HCK: variants seen among roughly 807,000 people sequenced by gnomAD.
HCK encodes HCK proto-oncogene, Src family tyrosine kinase.
HCK carries 40 observed loss-of-function variants against 70.4 expected under a neutral mutation model. That is an observed-to-expected ratio of 0.57 (90% confidence interval 0.44 to 0.74). The LOEUF is 0.74. Among genes scored for constraint, HCK ranks in the 30% least tolerant of loss-of-function variants. The pLI is 0.00. For missense variants in HCK, 568 were observed against 697.2 expected (o/e 0.81, Z 2.09); for synonymous variants, 245 against 263.2 (o/e 0.93, Z 0.67).
At position 32,057,214 on chromosome 20, in the gene HCK, T is replaced by A. The variant is rs184233137; in HGVS notation, c.62+4728T>A. 3.9e-4 allele frequency among the ~76,000 whole-genome samples: 59 copies of A among 152,350 alleles called. No individual in the cohort carries two copies. The East Asian group carries it at 0.01, about 27-fold the overall frequency. Reference sequence around the variant, plus strand: ...TGCACAGCCCTTGCCAGGCCCACTTTCCTCATCCGCAGAACCCTCCACATC... The same window carrying A: ...TGCACAGCCCTTGCCAGGCCCACTTACCTCATCCGCAGAACCCTCCACATC... On this transcript the variant is annotated intron_variant, in intron 1 of 12. Coordinates refer to ENST00000375852, the MANE Select transcript of HCK (RefSeq NM_002110.5).
chr20:32,089,155 AG>A (rs2045830811), intron 10 of HCK, among the ~76,000 whole-genome samples: 2 of 152,360 alleles, frequency 1.3e-5, no homozygotes, highest in East Asian at 1.9e-4. Context: ...CTTCATGAGC[AG>A]GCTCTCATTA....
At chr20:32,064,091 C>T (rs1431028426) in intron 1 of HCK, among the ~76,000 whole-genome samples, 1 of 150,614 alleles carries the variant, frequency 6.6e-6, no homozygotes, top group Admixed American at 6.7e-5. Context: ...GCAACCTCCA[C>T]CTCCCAGGTT....
intron 6 of HCK, among the ~76,000 whole-genome samples, chr20:32,080,489 G>A (rs1338881717): frequency 2.0e-5 from 3 of 151,778 alleles, no homozygotes; most frequent in Admixed American, 1.3e-4. Flanking sequence ...GAGCCACTGC[G>A]CCTGGCCTGT....
chr20:32,075,812 G>C (rs1673391812), intron 5 of HCK, among the ~76,000 whole-genome samples: 1 of 152,154 alleles, frequency 6.6e-6, no homozygotes, highest in Non-Finnish European at 1.5e-5. Flanking sequence ...CCCTGCTGGA[G>C]ATGTTCTCTG....
rs747622941 is a variant in HCK at position 32,093,973 on chromosome 20, C to A, written c.1203C>A (p.Gly401=). Residue 401 remains glycine (G), a synonymous_variant, in exon 11 of 13, where the codon GGC becomes GGA. Coordinates refer to ENST00000375852, the MANE Select transcript of HCK (RefSeq NM_002110.5). ...TGGTGTGTAAGATTGCTGACTTTGG[C>A]CTGGCCCGGGTCATTGAGGACAACG... 4 of 1,613,678 alleles carry A rather than the reference C, an allele frequency of 2.5e-6. No individual in the cohort carries two copies. Among genetic ancestry groups the A allele is most frequent in the South Asian group, 2.2e-5 (2 of 91,072 alleles).
chr20:32,099,179 C>A, intron 12 of HCK, 44 bp downstream of exon 12: 2 of 1,598,758 alleles, frequency 1.3e-6, no homozygotes, highest in Non-Finnish European at 1.7e-6. Flanking sequence ...AGGGCCCAGT[C>A]TGGCAATGGG....
chr20:32,053,475 T>C (rs933425259), intron 1 of HCK, among the ~76,000 whole-genome samples: 3 of 151,502 alleles, frequency 2.0e-5, no homozygotes, highest in Non-Finnish European at 4.4e-5. Context: ...CCGTCTCTAC[T>C]AAAAGTACAA....
At chr20:32,074,499 C>A in intron 4 of HCK, 124 bp from the exon 5 acceptor site, 1 of 714,780 alleles carries the variant, frequency 1.4e-6, no homozygotes, top group South Asian at 1.6e-5. Flanking sequence ...ATAGTCACAG[C>A]CCTGTCCTTC....
rs376295387 is a variant in HCK at position 32,093,737 on chromosome 20, C to A, written c.1093-126C>A. The A allele has an allele frequency of 1.8e-4, 154 of 871,752 alleles. 2 individuals carry two copies. In the South Asian group the frequency reaches 2.7e-3, roughly 15 times the overall value. 54.0% of individuals were successfully genotyped at this position (871,752 alleles called of 1,614,324 possible). On this transcript the variant is annotated intron_variant, in intron 10 of 12. Coordinates refer to ENST00000375852, the MANE Select transcript of HCK (RefSeq NM_002110.5). ...CCTGAGCCCTGGGGCCCTCCCGACA[C>A]AAAAGGGAGGGCTGGTGCAGACATT...
chr20:32,088,782 T>C lies in HCK; in HGVS notation c.1092+138T>C, dbSNP rs2045825215. 15 of 633,804 alleles carry C rather than the reference T, an allele frequency of 2.4e-5. No individual in the cohort carries two copies. In the South Asian group the frequency reaches 3.0e-4, roughly 13 times the overall value. 39.3% of individuals were successfully genotyped at this position (633,804 alleles called of 1,614,324 possible). A position where few individuals can be genotyped will look rare whatever the true frequency, so the allele number is the denominator to read the frequency against. The stretch of plus-strand genomic sequence containing the variant: ...GTATTGAGAGCTCAGTATAAAACTA[T>C]GTTTTTTGCATATATTTTATTATAC... On this transcript the variant is annotated intron_variant, in intron 10 of 12. Transcript: ENST00000375852.
chr20:32,064,775 C>T (rs1433812335), intron 1 of HCK, among the ~76,000 whole-genome samples: 2 of 152,220 alleles, frequency 1.3e-5, no homozygotes, highest in East Asian at 3.8e-4. Context: ...TTTCCACAGC[C>T]AGCATGGTAA....
intron 10 of HCK, among the ~76,000 whole-genome samples, chr20:32,093,258 C>T (rs538563066): frequency 3.1e-4 from 47 of 152,222 alleles, no homozygotes; most frequent in African/African-American, 1.1e-3. Context: ...TTTATCTTTT[C>T]TTTATGGTAC....
chr20:32,094,516 C>T (rs772929348), intron 11 of HCK, among the ~76,000 whole-genome samples: 2 of 151,672 alleles, frequency 1.3e-5, no homozygotes. Flanking sequence ...CTAGTCTCTA[C>T]AAAAATTTAA....
chr20:32,091,472 A>G (rs1016291276), intron 10 of HCK, among the ~76,000 whole-genome samples: 2 of 152,246 alleles, frequency 1.3e-5, no homozygotes, highest in Admixed American at 6.5e-5. Flanking sequence ...TAAATGTCAC[A>G]TAAGTGTTTA....
chr20:32,068,833 A>G (rs2045498051), intron 1 of HCK, among the ~76,000 whole-genome samples: 1 of 152,010 alleles, frequency 6.6e-6, no homozygotes, highest in South Asian at 2.1e-4. Flanking sequence ...AGTCCCAGCT[A>G]CTAAGGAGGC....
intron 1 of HCK, among the ~76,000 whole-genome samples, chr20:32,056,164 T>A (rs1380611728): frequency 1.3e-5 from 2 of 152,236 alleles, no homozygotes. Flanking sequence ...TTTGAGCACC[T>A]GTTTTCAATT....
intron 11 of HCK, among the ~76,000 whole-genome samples, chr20:32,098,251 C>T (rs1464680057): frequency 6.6e-6 from 1 of 151,932 alleles, no homozygotes; most frequent in Non-Finnish European, 1.5e-5. Flanking sequence ...AGGCTGGTCT[C>T]GAATTCCTGA....
rs2045226456 is a variant in HCK, at chr20:32,054,091, A to G, written c.62+1605A>G. On this transcript the variant is annotated intron_variant, in intron 1 of 12. Transcript: ENST00000375852. ...CCCGAGAATCCACCATCCAGAATTA[A>G]CAAATAATAGCATTTTGTTGTGTTT... The G allele has an allele frequency of 7.5e-6, 3 of 400,924 alleles. No individual in the cohort carries two copies. The Admixed American group carries it at 8.9e-5, about 12-fold the overall frequency. The allele number at this position is 400,924 out of a possible 1,614,324, so 24.8% of individuals were successfully genotyped here. A position where few individuals can be genotyped will look rare whatever the true frequency, so the allele number is the denominator to read the frequency against.
intron 1 of HCK, among the ~76,000 whole-genome samples, chr20:32,064,881 G>C (rs756104229): frequency 6.6e-6 from 1 of 152,260 alleles, no homozygotes; most frequent in Non-Finnish European, 1.5e-5. Flanking sequence ...TCCCAGGGAC[G>C]GCAGTGGCCC....
Sources: allele counts gnomAD v4.1 joint callset (sites outside exome capture counted in the v4.1 genomes callset), GRCh38; gene constraint gnomAD v4.1.1; transcripts MANE v1.5; gene names NCBI Gene and HGNC (gene_info 2026-07-23, HGNC 2026-07-21).